The following DST variants were observed in gnomAD, a reference collection of about 807,000 sequenced individuals.
DST encodes bullous pemphigoid antigen.
A neutral mutation model predicts 875.2 loss-of-function variants in DST; 253 were observed. The observed-to-expected ratio is 0.29, with a 90% CI of 0.26 to 0.32. The LOEUF (loss-of-function observed/expected upper bound fraction) is 0.32. DST is among the 10% of genes least tolerant of loss of function. DST has a pLI of 1.00. For synonymous variants in DST, 3,124 were observed against 3,197.1 expected (o/e 0.98, Z 0.77); for missense variants, 8,287 against 9,111.6 (o/e 0.91, Z 3.68).
chr6:56,950,838 T>C (rs911591485), intron 2 of DST, among the ~76,000 whole-genome samples: 1 of 152,198 alleles, frequency 6.6e-6, no homozygotes, highest in Non-Finnish European at 1.5e-5. Flanking sequence ...AGTTTGCAAG[T>C]ATGTGAAAAT....
intron 83 of DST, 145 bp from the exon 84 acceptor site, chr6:56,493,234 A>C: frequency 1.6e-6 from 1 of 636,342 alleles, no homozygotes; most frequent in Non-Finnish European, 2.4e-6. Context: ...ATATCTTATA[A>C]ATGTAATGGG....
At chr6:56,554,073 CTTTTTTTTTTTTTTTTT>C (rs555704557) in intron 60 of DST, among the ~76,000 whole-genome samples, 1 of 80,822 alleles carries the variant, frequency 1.2e-5, no homozygotes. Flanking sequence ...GCGTCTATGA[CTTTTTTTTTTTTTTTTT>C]TTTTTTTTTT....
At chr6:56,929,650 C>T (rs1276895384) in intron 2 of DST, among the ~76,000 whole-genome samples, 2 of 152,066 alleles carry the variant, frequency 1.3e-5, no homozygotes, top group East Asian at 1.9e-4. Context: ...TTTTGAATCA[C>T]GTAAATGTTT....
intron 17 of DST, among the ~76,000 whole-genome samples, chr6:56,641,309 A>G (rs992676436): frequency 6.6e-6 from 1 of 152,156 alleles, no homozygotes; most frequent in African/African-American, 2.4e-5. Flanking sequence ...CTTTTTGGCC[A>G]GGCATGGTGG....
chr6:56,463,511 T>G, intron 101 of DST, 54 bp downstream of exon 101: 1 of 1,455,152 alleles, frequency 6.9e-7, no homozygotes, highest in Non-Finnish European at 9.2e-7. Context: ...TTCAAAAGTC[T>G]ACTTGGGACA....
chr6:56,681,609 T>C (rs1304656829), intron 9 of DST, among the ~76,000 whole-genome samples: 1 of 152,216 alleles, frequency 6.6e-6, no homozygotes, highest in East Asian at 1.9e-4. Context: ...TTGTGTGTCA[T>C]TATTGTCTCT....
At chr6:56,570,578 C>G (rs2097764442) in intron 53 of DST, among the ~76,000 whole-genome samples, 1 of 152,170 alleles carries the variant, frequency 6.6e-6, no homozygotes, top group Non-Finnish European at 1.5e-5. Flanking sequence ...TGGAGAGCAG[C>G]TGTAAATACA....
intron 4 of DST, among the ~76,000 whole-genome samples, chr6:56,824,462 T>C (rs2099777056): frequency 1.4e-5 from 2 of 145,322 alleles, no homozygotes; most frequent in South Asian, 2.3e-4. Context: ...TCTGCCTGGC[T>C]GCCCATCGTC....
At chr6:56,572,680 A>G (rs1281225081) in intron 52 of DST, 67 bp downstream of exon 52, 2 of 1,156,582 alleles carry the variant, frequency 1.7e-6, no homozygotes, top group African/African-American at 3.1e-5. Flanking sequence ...TTCTGGCACT[A>G]AGTATATGAG....
chr6:56,900,300 G>T, intron 3 of DST, 121 bp downstream of exon 3: 2 of 812,770 alleles, frequency 2.5e-6, no homozygotes, highest in South Asian at 3.2e-5. Context: ...GCTGCCACTT[G>T]TTGGGAATAA....
chr6:56,625,379 T>A (rs753846331), intron 34 of DST, 115 bp from the exon 35 acceptor site: 1 of 731,540 alleles, frequency 1.4e-6, no homozygotes, highest in Non-Finnish European at 2.4e-6. Context: ...ACTTTAGTGA[T>A]TTGACACAGA....
chr6:56,634,195 A>G lies in DST; in HGVS notation c.3558T>C (p.Ser1186=), dbSNP rs765710903. The G allele has an allele frequency of 4.3e-6, 7 of 1,613,548 alleles. No homozygotes were observed. In the East Asian group the frequency reaches 1.6e-4, roughly 36 times the overall value. ...LWHESHINMK[S]VVSWHYLINE... ...TGATGAGATAATGCCAGGATACTACACTCTTCATGTTTATGTGAGACTCAT... is the reference window on the plus strand; with the variant it reads ...TGATGAGATAATGCCAGGATACTACGCTCTTCATGTTTATGTGAGACTCAT... Residue 1186 remains serine, a synonymous_variant, in exon 27 of 104, where the codon AGT becomes AGC. Coordinates refer to ENST00000680361, the MANE Select transcript of DST (RefSeq NM_001374736.1).
At chr6:56,459,978 T>TC (rs1459327829) in intron 103 of DST, among the ~76,000 whole-genome samples, 153 bp downstream of exon 103, 1 of 152,166 alleles carries the variant, frequency 6.6e-6, no homozygotes, top group Non-Finnish European at 1.5e-5. Context: ...ACTCACTTTA[T>TC]CCCCAACTTT....
intron 4 of DST, among the ~76,000 whole-genome samples, chr6:56,777,083 C>T (rs957635991): frequency 1.3e-5 from 2 of 152,144 alleles, no homozygotes; most frequent in African/African-American, 4.8e-5. Context: ...CATCTTCATG[C>T]AGAGACAAAA....
intron 73 of DST, among the ~76,000 whole-genome samples, chr6:56,510,656 G>C (rs950932293): frequency 2.6e-5 from 4 of 152,084 alleles, no homozygotes; most frequent in African/African-American, 9.7e-5. Flanking sequence ...ACAGGATTGT[G>C]ACACTGGCCC....
At chr6:56,527,422 T>C in intron 68 of DST, 71 bp downstream of exon 68, 1 of 1,513,556 alleles carries the variant, frequency 6.6e-7, no homozygotes, top group East Asian at 2.4e-5. Flanking sequence ...ACAAATATAA[T>C]TTTATTTTTG....
chr6:56,789,431 CT>C (rs2099711193), intron 4 of DST, among the ~76,000 whole-genome samples: 1 of 152,124 alleles, frequency 6.6e-6, no homozygotes, highest in Admixed American at 6.5e-5. Flanking sequence ...GCTGTGCTTA[CT>C]TTTTTTAATT....
At chr6:56,471,970 TA>T (rs987140607) in intron 94 of DST, 88 bp downstream of exon 94, 6 of 1,408,180 alleles carry the variant, frequency 4.3e-6, no homozygotes, top group Non-Finnish European at 6.0e-6. Context: ...TCAGAAAAGT[TA>T]AAAAATACCA....
chr6:56,528,811 C>T, intron 67 of DST, 30 bp downstream of exon 67: 12 of 1,373,934 alleles, frequency 8.7e-6, no homozygotes, highest in Non-Finnish European at 1.2e-5. Context: ...ATGCTGACCA[C>T]ATGATGATTT....
Sources: allele counts gnomAD v4.1 joint callset (sites outside exome capture counted in the v4.1 genomes callset), GRCh38; gene constraint gnomAD v4.1.1; transcripts MANE v1.5; gene names NCBI Gene and HGNC (gene_info 2026-07-23, HGNC 2026-07-21).